ZBTB46: variants seen among roughly 807,000 people sequenced by gnomAD.
ZBTB46 encodes the protein zinc finger and BTB domain containing 46, also known as zinc finger and BTB domain-containing protein 46.
A neutral mutation model predicts 44.1 loss-of-function variants in ZBTB46; 8 were observed. That is an observed-to-expected ratio of 0.18 (90% CI 0.11 to 0.33). ZBTB46 has a LOEUF of 0.33. Among genes scored for constraint, ZBTB46 ranks in the 10% least tolerant of loss-of-function variants. The pLI is 1.00. For missense variants in ZBTB46, 651 were observed against 847.7 expected, an observed-to-expected ratio of 0.77 and a Z score of 2.88; for synonymous variants, 409 against 382.3, an observed-to-expected ratio of 1.07 and a Z score of -0.81.
rs1253143626 is a variant in ZBTB46, at chr20:63,816,136, A to G, written c.-34+14961T>C. On this transcript the variant is annotated intron_variant, in intron 1 of 4. Transcript: ENST00000245663. ...AGTGGGCGCAGGTGGGCGCAGGTGCAGTGGGTGCAGGTGCAGTGGGTGCAG... is the reference window on the plus strand; with the variant it reads ...AGTGGGCGCAGGTGGGCGCAGGTGCGGTGGGTGCAGGTGCAGTGGGTGCAG... Among the ~76,000 whole-genome samples, 524 of 95,156 alleles carry G rather than the reference A, an allele frequency of 5.5e-3. 5 individuals are homozygous for G. The highest frequency in any genetic ancestry group is 0.024 in the African/African-American group (508 of 20,754). The allele number at this position is 95,156 out of a possible 152,430, so 62.4% of individuals were successfully genotyped here.
Position 63,752,028 on chromosome 20 carries a change from C to T in ZBTB46, c.1398+658G>A, listed in dbSNP as rs181350507. Among the ~76,000 whole-genome samples the T allele has an allele frequency of 2.5e-3, 388 of 152,192 alleles. 1 individual carries two copies. Among genetic ancestry groups the T allele is most frequent in the Non-Finnish European group, 4.4e-3 (298 of 67,980 alleles). ...TCCACTGCCTCTCCTCACACAGCTG[C>T]CCGCCGCGAGCTCCCCCTGCACCCT... On this transcript the variant is annotated intron_variant, in intron 4 of 4. Coordinates refer to ENST00000245663, the MANE Select transcript of ZBTB46 (RefSeq NM_001369741.1). This position sits in a 1 kb window ranked among gnomAD's most constrained non-coding sequence, Gnocchi z 5.6.
chr20:63,795,912 G>A (rs757670702), intron 1 of ZBTB46, among the ~76,000 whole-genome samples: 6 of 152,128 alleles, frequency 3.9e-5, no homozygotes, highest in Admixed American at 6.6e-5. Context: ...ACAGACTCCC[G>A]GAAGGTGACG....
chr20:63,769,214 T>A, intron 3 of ZBTB46: 1 of 985,326 alleles, frequency 1.0e-6, no homozygotes, highest in Non-Finnish European at 1.2e-6. Context: ...TTTGGCCCAG[T>A]TGCCCCAGAC....
At chr20:63,782,771 A>G (rs2092481440) in intron 2 of ZBTB46, among the ~76,000 whole-genome samples, 1 of 152,142 alleles carries the variant, frequency 6.6e-6, no homozygotes, top group East Asian at 1.9e-4. Flanking sequence ...ACAAGGAGCA[A>G]AGCCAGAGAT....
chr20:63,775,837 G>C lies in ZBTB46; in HGVS notation c.1063C>G (p.Pro355Ala), dbSNP rs761577744. ...EASYLGPPLT[P>A]EKDDALHQAT... is the part of the protein sequence containing the mutation. ...TGATGCAGGGCGTCGTCCTTCTCTG[G>C]GGTGAGGGGAGGGCCCAGATAGCTG... Residue 355 changes from proline (P) to alanine (A), a missense_variant, in exon 3 of 5, where the codon CCA becomes GCA. Physicochemically the swap from Pro to Ala is conservative, Grantham distance 27. Transcript: ENST00000245663. The C allele has an allele frequency of 6.2e-7, 1 of 1,613,398 alleles. No individual in the cohort carries two copies. Among genetic ancestry groups the C allele is most frequent in the Non-Finnish European group, 8.5e-7 (1 of 1,180,004 alleles).
At chr20:63,765,850 C>T (rs1239382347) in intron 3 of ZBTB46, among the ~76,000 whole-genome samples, 1 of 152,210 alleles carries the variant, frequency 6.6e-6, no homozygotes. Context: ...CTATCTGCCA[C>T]GAGCATATTT....
At chr20:63,765,954 C>T (rs2145821337) in intron 3 of ZBTB46, among the ~76,000 whole-genome samples, 1 of 152,280 alleles carries the variant, frequency 6.6e-6, no homozygotes, top group Middle Eastern at 3.4e-3. Context: ...AGAATCTCTA[C>T]AACCAGGCCT....
Position 63,767,210 on chromosome 20 carries a change from A to G in ZBTB46, c.1222+8468T>C, listed in dbSNP as rs943732651. ...AGGCTTTGTCTTTCGATCTCCCTAGAAAGTTGCTGGGTCGGAGCCACGTGG... is the reference window on the plus strand; with the variant it reads ...AGGCTTTGTCTTTCGATCTCCCTAGGAAGTTGCTGGGTCGGAGCCACGTGG... On this transcript the variant is annotated intron_variant, in intron 3 of 4. Coordinates refer to ENST00000245663, the MANE Select transcript of ZBTB46 (RefSeq NM_001369741.1). This position sits in a 1 kb window ranked among gnomAD's most constrained non-coding sequence, Gnocchi z 5.0. Among the ~76,000 whole-genome samples, 2 of 152,040 alleles carry G rather than the reference A, an allele frequency of 1.3e-5. No individual in the cohort carries two copies. The highest frequency in any genetic ancestry group is 4.8e-5 in the African/African-American group (2 of 41,388).
intron 4 of ZBTB46, among the ~76,000 whole-genome samples, chr20:63,748,158 T>G (rs1310869123): frequency 6.6e-6 from 1 of 152,222 alleles, no homozygotes; most frequent in African/African-American, 2.4e-5. Flanking sequence ...CAAGGTCGAC[T>G]GAGACATGCA....
intron 1 of ZBTB46, among the ~76,000 whole-genome samples, chr20:63,800,593 T>G (rs1390004447): frequency 1.3e-5 from 2 of 152,186 alleles, no homozygotes; most frequent in East Asian, 1.9e-4. Context: ...CGGGGCTGCG[T>G]GCGGCGCTTG....
rs1025476581 is a variant in ZBTB46, at chr20:63,750,461, A to G, written c.1398+2225T>C. ...GCAATTTTGCCCAGGCTGGTCTCAAACTCCTGGCCTCAAGCTATTCTCCTG... is the reference window on the plus strand; with the variant it reads ...GCAATTTTGCCCAGGCTGGTCTCAAGCTCCTGGCCTCAAGCTATTCTCCTG... On this transcript the variant is annotated intron_variant, in intron 4 of 4. Coordinates refer to ENST00000245663, the MANE Select transcript of ZBTB46 (RefSeq NM_001369741.1). 1.3e-4 allele frequency among the ~76,000 whole-genome samples: 20 copies of G among 150,692 alleles called. 1 individual carries two copies. The highest frequency in any genetic ancestry group is 1.2e-3 in the Admixed American group (18 of 15,118).
At chr20:63,802,737 G>A (rs957101075) in intron 1 of ZBTB46, among the ~76,000 whole-genome samples, 2 of 141,986 alleles carry the variant, frequency 1.4e-5, no homozygotes, top group Non-Finnish European at 3.1e-5. Context: ...CAGGAACCGC[G>A]GTGGGCCGAC....
upstream of ZBTB46, among the ~76,000 whole-genome samples, chr20:63,832,234 C>G (rs529622463): frequency 6.6e-6 from 1 of 152,312 alleles, no homozygotes; most frequent in East Asian, 1.9e-4. This position sits in a 1 kb window ranked among gnomAD's most constrained non-coding sequence, Gnocchi z 5.0. Context: ...CCGCCGTCCT[C>G]AGCCCTCGGG....
At chr20:63,807,761 A>ACC (rs1213562066) in intron 1 of ZBTB46, among the ~76,000 whole-genome samples, 1 of 152,242 alleles carries the variant, frequency 6.6e-6, no homozygotes, top group Admixed American at 6.5e-5. Flanking sequence ...CAAGCGAAGC[A>ACC]CCCGTCTGTG....
intron 3 of ZBTB46, among the ~76,000 whole-genome samples, chr20:63,774,942 G>A (rs2092411318): frequency 6.6e-6 from 1 of 151,908 alleles, no homozygotes; most frequent in Non-Finnish European, 1.5e-5. Flanking sequence ...TGACCTCGTG[G>A]TCTGCCCGCC....
At chr20:63,762,294 C>T (rs1395728379) in intron 3 of ZBTB46, among the ~76,000 whole-genome samples, 5 of 152,168 alleles carry the variant, frequency 3.3e-5, no homozygotes, top group African/African-American at 9.7e-5. Context: ...TGTTTTAAAA[C>T]CCCCAATTGT....
chr20:63,783,196 G>A (rs546775535), intron 2 of ZBTB46, among the ~76,000 whole-genome samples: 5 of 152,212 alleles, frequency 3.3e-5, no homozygotes, highest in African/African-American at 9.6e-5. Context: ...TTGGGAGGCT[G>A]AGGTGGGTGG....
Position 63,775,946 on chromosome 20 carries a change from G to T in ZBTB46, c.954C>A (p.Val318=). The T allele has an allele frequency of 6.3e-7, 1 of 1,575,252 alleles. No individual in the cohort carries two copies. Among genetic ancestry groups the T allele is most frequent in the Non-Finnish European group, 8.6e-7 (1 of 1,164,348 alleles). ...SSRDSNADLS[V]TEASSSDSRG... ...GGCTGTCGGAGCTGCTGGCTTCGGT[G>T]ACGGACAGGTCCGCATCTGGGGACA... Residue 318 remains valine, a synonymous_variant, in exon 3 of 5, where the codon GTC becomes GTA. Transcript: ENST00000245663.
intron 2 of ZBTB46, among the ~76,000 whole-genome samples, chr20:63,779,451 G>T (rs2092451924): frequency 9.6e-6 from 1 of 103,998 alleles, no homozygotes; most frequent in African/African-American, 3.9e-5. Context: ...ACGGAGTCTT[G>T]CTCTGTCACC....
Sources: gnomAD v4.1 joint callset for allele counts (sites outside exome capture counted in the v4.1 genomes callset) on GRCh38, gnomAD v4.1.1 for gene constraint, Gnocchi (gnomAD v3.1) non-coding constraint, MANE v1.5 for transcripts, NCBI Gene and HGNC (gene_info 2026-07-23, HGNC 2026-07-21) for gene names.